SPAG9: variants seen among roughly 807,000 people sequenced by gnomAD.
The protein encoded by SPAG9 is C-Jun-amino-terminal kinase-interacting protein 4.
In SPAG9, 35 loss-of-function variants were observed where a neutral mutation model predicts 166.5. The ratio of observed to expected loss-of-function variants is 0.21; its 90% CI spans 0.16 to 0.28. The LOEUF (loss-of-function observed/expected upper bound fraction) is 0.28. Among genes scored for constraint, SPAG9 ranks in the 10% least tolerant of loss-of-function variants. SPAG9 has a pLI of 1.00. For missense variants in SPAG9, 1,235 were observed against 1,603.3 expected (o/e 0.77, Z 3.92); for synonymous variants, 534 against 565.5 (o/e 0.94, Z 0.79).
At chr17:51,114,322 G>A (rs1351471778) in intron 1 of SPAG9, among the ~76,000 whole-genome samples, 2 of 150,826 alleles carry the variant, frequency 1.3e-5, no homozygotes, top group African/African-American at 2.4e-5. Context: ...ACAAGACTCT[G>A]TCTCAAAAAT....
chr17:51,034,046 C>T (rs188759733), intron 5 of SPAG9, among the ~76,000 whole-genome samples: 37 of 151,856 alleles, frequency 2.4e-4, no homozygotes, highest in Middle Eastern at 3.4e-3. Flanking sequence ...CCTTTTTTTC[C>T]TTCCAAACCC....
At chr17:51,048,881 AC>A (rs1215449887) in intron 3 of SPAG9, among the ~76,000 whole-genome samples, 1 of 152,176 alleles carries the variant, frequency 6.6e-6, no homozygotes, top group African/African-American at 2.4e-5. Context: ...TAATTGACAT[AC>A]TTTTTATTTT....
chr17:50,987,021 T>C, intron 22 of SPAG9, 91 bp downstream of exon 22: 1 of 1,295,846 alleles, frequency 7.7e-7, no homozygotes, highest in East Asian at 2.4e-5. Context: ...ATCCACACTT[T>C]TTGTATTTGT....
In SPAG9 at chr17:50,976,020, A is replaced by G; in HGVS notation, c.3524-1073T>C. Reference sequence around the variant, plus strand: ...GTAAACCTGGTGCTCAAAGCCCCTAACGAAAATAACAAGATCCCACTTGGC... The same window carrying G: ...GTAAACCTGGTGCTCAAAGCCCCTAGCGAAAATAACAAGATCCCACTTGGC... On this transcript the variant is annotated intron_variant, in intron 27 of 29. Transcript: ENST00000262013. The G allele has an allele frequency of 4.1e-6, 3 of 739,118 alleles. No individual in the cohort carries two copies. In the South Asian group the frequency reaches 4.6e-5, roughly 11 times the overall value. The allele number at this position is 739,118 out of a possible 1,614,324, so 45.8% of individuals were successfully genotyped here.
chr17:51,116,672 G>C (rs1480935918), intron 1 of SPAG9, among the ~76,000 whole-genome samples: 4 of 152,178 alleles, frequency 2.6e-5, no homozygotes, highest in Admixed American at 2.6e-4. Context: ...GCTGAGGCAA[G>C]AGGATCACTT....
At chr17:51,088,453 A>C (rs989546621) in intron 1 of SPAG9, among the ~76,000 whole-genome samples, 7 of 152,200 alleles carry the variant, frequency 4.6e-5, no homozygotes, top group Admixed American at 1.3e-4. Context: ...TAACACGCTA[A>C]GTGCTATAAT....
intron 24 of SPAG9, among the ~76,000 whole-genome samples, chr17:50,983,283 G>T (rs776784995): frequency 1.3e-5 from 2 of 152,226 alleles, no homozygotes; most frequent in African/African-American, 4.8e-5. Flanking sequence ...TCACCCACTC[G>T]TCTGCAGTCT....
chr17:51,062,370 AT>A (rs1490639468), intron 2 of SPAG9, among the ~76,000 whole-genome samples: 1 of 152,190 alleles, frequency 6.6e-6, no homozygotes, highest in African/African-American at 2.4e-5. Context: ...TGTGACCACC[AT>A]TATAGTATCA....
chr17:51,066,879 A>T (rs2047687876), intron 2 of SPAG9, among the ~76,000 whole-genome samples: 1 of 151,782 alleles, frequency 6.6e-6, no homozygotes, highest in South Asian at 2.1e-4. Context: ...CGACAGAGCA[A>T]GAGTCCATCT....
At chr17:50,989,526 G>T in intron 21 of SPAG9, 151 bp downstream of exon 21, 1 of 726,198 alleles carries the variant, frequency 1.4e-6, no homozygotes, top group Non-Finnish European at 2.4e-6. Context: ...TGATGGAGCG[G>T]GAATACATGA....
intron 2 of SPAG9, 22 bp downstream of exon 2, chr17:51,079,562 T>A: frequency 6.2e-7 from 1 of 1,610,616 alleles, no homozygotes; most frequent in South Asian, 1.1e-5. Context: ...AGTGTACTTA[T>A]GAGAAGAAAT....
intron 2 of SPAG9, among the ~76,000 whole-genome samples, chr17:51,057,857 G>A (rs554861869): frequency 1.3e-5 from 2 of 152,268 alleles, no homozygotes; most frequent in African/African-American, 4.8e-5. Context: ...TTATTATGCA[G>A]ATGTGTTGTG....
At chr17:50,984,020 G>A (rs115279896) in intron 24 of SPAG9, among the ~76,000 whole-genome samples, 238 of 151,968 alleles carry the variant, frequency 1.6e-3, no homozygotes, top group African/African-American at 5.6e-3. Flanking sequence ...CCAAATTCAG[G>A]GTATCTATGT....
At chr17:51,079,075 G>A (rs2048093130) in intron 2 of SPAG9, among the ~76,000 whole-genome samples, 1 of 152,152 alleles carries the variant, frequency 6.6e-6, no homozygotes, top group Non-Finnish European at 1.5e-5. Context: ...GGTTTAGTCA[G>A]TTCTGCACAC....
chr17:51,025,924 AAC>A (rs1230635029), intron 6 of SPAG9, among the ~76,000 whole-genome samples: 3 of 152,202 alleles, frequency 2.0e-5, no homozygotes, highest in Non-Finnish European at 4.4e-5. Context: ...ATATAAAATA[AAC>A]AGTCTGTATT....
chr17:51,064,159 G>T (rs1366316111), intron 2 of SPAG9, among the ~76,000 whole-genome samples: 2 of 152,046 alleles, frequency 1.3e-5, no homozygotes, highest in Non-Finnish European at 2.9e-5. Flanking sequence ...TAAACAGAAG[G>T]TTTATCATTC....
chr17:51,036,341 A>G (rs768997556), intron 5 of SPAG9, among the ~76,000 whole-genome samples: 2 of 152,000 alleles, frequency 1.3e-5, no homozygotes, highest in African/African-American at 4.8e-5. Flanking sequence ...TCAAATCTAC[A>G]CCTATAAATT....
At chr17:51,046,663 C>A in intron 4 of SPAG9, 1 of 1,536,036 alleles carries the variant, frequency 6.5e-7, no homozygotes, top group Non-Finnish European at 8.7e-7. Flanking sequence ...GGACTCATGG[C>A]GCTGTGCTGG....
At chr17:51,086,127 G>T (rs560614348) in intron 1 of SPAG9, among the ~76,000 whole-genome samples, 1 of 151,800 alleles carries the variant, frequency 6.6e-6, no homozygotes, top group South Asian at 2.1e-4. Context: ...AATCAGGCAT[G>T]CATCACCATA....
Sources: gnomAD v4.1 joint callset for allele counts (sites outside exome capture counted in the v4.1 genomes callset) on GRCh38, gnomAD v4.1.1 for gene constraint, MANE v1.5 for transcripts, NCBI Gene and HGNC (gene_info 2026-07-23, HGNC 2026-07-21) for gene names.